The following SLC2A9 variants were observed in gnomAD, a reference collection of about 807,000 sequenced individuals.
SLC2A9 encodes the protein solute carrier family 2 member 9.
A neutral mutation model predicts 50.6 loss-of-function variants in SLC2A9; 39 were observed. The ratio of observed to expected loss-of-function variants is 0.77; its 90% CI spans 0.60 to 1.01. The LOEUF is 1.01. Ranked by LOEUF, SLC2A9 falls within the 50% of genes least tolerant of loss-of-function variation. The pLI is 0.00. For missense variants in SLC2A9, 686 were observed against 677.6 expected (o/e 1.01, Z -0.14); for synonymous variants, 324 against 276.9 (o/e 1.17, Z -1.69).
At chr4:9,851,994 A>G (rs189880273) in intron 10 of SLC2A9, among the ~76,000 whole-genome samples, 13 of 152,358 alleles carry the variant, frequency 8.5e-5, no homozygotes, top group African/African-American at 2.9e-4. Flanking sequence ...CTTGGAAAAC[A>G]TATTTGAGGA....
chr4:9,907,315 A>G (rs1011203430), intron 8 of SLC2A9, among the ~76,000 whole-genome samples: 1 of 152,250 alleles, frequency 6.6e-6, no homozygotes, highest in African/African-American at 2.4e-5. Context: ...TCAGTGCTAC[A>G]CAGCCAAGAA....
intron 1 of SLC2A9, among the ~76,000 whole-genome samples, chr4:9,773,068 G>A (rs911749683): frequency 2.0e-5 from 3 of 152,136 alleles, no homozygotes; most frequent in African/African-American, 7.2e-5. Context: ...TCTACAGAGT[G>A]CTGCCTTTCA....
chr4:9,986,516 C>A (rs1404998375), intron 3 of SLC2A9, among the ~76,000 whole-genome samples: 2 of 152,198 alleles, frequency 1.3e-5, no homozygotes, highest in Non-Finnish European at 2.9e-5. Flanking sequence ...AGAGAGAGCC[C>A]AGAAGGGTAA....
chr4:9,812,295 T>C (rs1274476494), intron 3 of SLC2A9, among the ~76,000 whole-genome samples: 1 of 152,204 alleles, frequency 6.6e-6, no homozygotes, highest in Non-Finnish European at 1.5e-5. Flanking sequence ...CTGCGGCAAC[T>C]CCTGGAGATT....
intron 10 of SLC2A9, among the ~76,000 whole-genome samples, chr4:9,850,801 T>C (rs982294131): frequency 7.2e-5 from 11 of 152,096 alleles, no homozygotes; most frequent in Non-Finnish European, 1.6e-4. Flanking sequence ...ATTCATCACA[T>C]AATGCCACCA....
At chr4:9,838,775 G>T (rs1214116170) in intron 10 of SLC2A9, among the ~76,000 whole-genome samples, 1 of 152,136 alleles carries the variant, frequency 6.6e-6, no homozygotes, top group African/African-American at 2.4e-5. Flanking sequence ...TTCAATAAAT[G>T]TTGTTGGGAT....
chr4:9,879,503 G>A (rs1045357527), intron 10 of SLC2A9: 2 of 985,286 alleles, frequency 2.0e-6, no homozygotes, highest in South Asian at 9.4e-5. Flanking sequence ...AGGCAGAGAC[G>A]ACCACATAGG....
intron 5 of SLC2A9, among the ~76,000 whole-genome samples, chr4:9,948,051 C>T (rs774251137): frequency 1.3e-5 from 2 of 152,000 alleles, no homozygotes; most frequent in Non-Finnish European, 2.9e-5. Context: ...TTTAGAACAG[C>T]TGGTTGCCCC....
At chr4:9,955,180 C>G (rs540525732) in intron 5 of SLC2A9, among the ~76,000 whole-genome samples, 23 of 152,218 alleles carry the variant, frequency 1.5e-4, no homozygotes, top group African/African-American at 5.3e-4. Context: ...GACGCAACCC[C>G]CTGGAAGCAT....
intron 10 of SLC2A9, among the ~76,000 whole-genome samples, chr4:9,857,399 ATCCTGTGCAGTTC>A (rs1438646395): frequency 6.6e-6 from 1 of 152,184 alleles, no homozygotes; most frequent in East Asian, 1.9e-4. Context: ...AGTGTCTCAA[ATCCTGTGCAGTTC>A]TGTTGTTCTC....
downstream of SLC2A9, among the ~76,000 whole-genome samples, chr4:9,775,912 ACAC>A (rs1307564883): frequency 6.6e-6 from 1 of 152,184 alleles, no homozygotes; most frequent in Non-Finnish European, 1.5e-5. Context: ...CACTTCTAGA[ACAC>A]ACGTGGCTTC....
chr4:9,847,195 AG>A (rs545433476), intron 10 of SLC2A9, among the ~76,000 whole-genome samples: 1 of 152,248 alleles, frequency 6.6e-6, no homozygotes, highest in South Asian at 2.1e-4. Flanking sequence ...TGAAGAAAAG[AG>A]GCTTAATTGA....
At position 9,908,217 on chromosome 4, in the gene SLC2A9, A is replaced by T. The variant is rs779092846; in HGVS notation, c.1113+18T>A. On this transcript the variant is annotated intron_variant, in intron 8 of 11. Coordinates refer to ENST00000264784, the MANE Select transcript of SLC2A9 (RefSeq NM_020041.3). The stretch of plus-strand genomic sequence containing the variant: ...AACCCCCTGTGGCATTCTCAGGAGT[A>T]ACCCTCAGTTGACTTACAGAGAAGA... The T allele has an allele frequency of 6.4e-7, 1 of 1,556,836 alleles. No individual in the cohort carries two copies. The highest frequency in any genetic ancestry group is 1.7e-5 in the Admixed American group (1 of 59,960).
intron 6 of SLC2A9, among the ~76,000 whole-genome samples, chr4:9,921,679 CT>C (rs759955223): frequency 2.0e-5 from 3 of 152,294 alleles, no homozygotes; most frequent in South Asian, 2.1e-4. Flanking sequence ...TTCAGAATAT[CT>C]TTTTTTATGA....
chr4:9,948,991 C>G (rs145341440), intron 5 of SLC2A9, among the ~76,000 whole-genome samples: 2 of 152,334 alleles, frequency 1.3e-5, no homozygotes, highest in Non-Finnish European at 2.9e-5. Flanking sequence ...CTGTGTACTT[C>G]CCTGTAAAAT....
At chr4:9,851,072 C>G (rs77963917) in intron 10 of SLC2A9, among the ~76,000 whole-genome samples, 1,703 of 152,278 alleles carry the variant, frequency 0.011, 20 homozygotes, top group Admixed American at 0.018. Flanking sequence ...GTGCCCCACC[C>G]CAGGCAATGC....
intron 5 of SLC2A9, among the ~76,000 whole-genome samples, chr4:9,950,590 G>GACAAAAAAATA (rs6148297): frequency 6.6e-6 from 1 of 151,396 alleles, no homozygotes; most frequent in African/African-American, 2.4e-5. Flanking sequence ...ATTATTAAAT[G>GACAAAAAAATA]ACAGATGCTG....
intron 11 of SLC2A9, among the ~76,000 whole-genome samples, chr4:9,830,681 G>A (rs867469173): frequency 6.6e-5 from 10 of 152,152 alleles, no homozygotes; most frequent in Non-Finnish European, 8.8e-5. Flanking sequence ...TTTATAACTT[G>A]AGTAGAATCA....
At chr4:9,903,920 A>C (rs947531441) in intron 8 of SLC2A9, among the ~76,000 whole-genome samples, 1 of 147,760 alleles carries the variant, frequency 6.8e-6, no homozygotes, top group African/African-American at 2.5e-5. Flanking sequence ...TATAAAATAT[A>C]TCTACATATT....
Sources: gnomAD v4.1 joint callset for allele counts (sites outside exome capture counted in the v4.1 genomes callset) on GRCh38, gnomAD v4.1.1 for gene constraint, MANE v1.5 for transcripts, NCBI Gene and HGNC (gene_info 2026-07-23, HGNC 2026-07-21) for gene names.